The following HRG variants were observed in gnomAD, a reference collection of about 807,000 sequenced individuals.
HRG encodes the protein histidine rich glycoprotein, also known as histidine-rich glycoprotein.
In HRG, 26 loss-of-function variants were observed where a neutral mutation model predicts 29.5. The ratio of observed to expected loss-of-function variants is 0.88; its 90% CI spans 0.65 to 1.22. HRG has a LOEUF of 1.22. Among genes scored for constraint, HRG ranks in the 50% most tolerant of loss-of-function variants. The probability of loss-of-function intolerance (pLI) is 0.00; values close to 1 mark genes in which losing one functional copy is unlikely to be tolerated. For missense variants in HRG, 671 were observed against 654.5 expected, an observed-to-expected ratio of 1.03 and a Z score of -0.28; for synonymous variants, 243 against 240.4, an observed-to-expected ratio of 1.01 and a Z score of -0.10.
rs1396161221 is a variant in HRG, at chr3:186,675,306, TGTGAGA to T, written c.741+118_741+123del. The T allele has an allele frequency of 1.3e-5, 6 of 465,144 alleles. No individual in the cohort carries two copies. The East Asian group carries it at 2.5e-4, about 20-fold the overall frequency. The allele number at this position is 465,144 out of a possible 1,614,324, so 28.8% of individuals were successfully genotyped here. ...GTGGGTGTGTGTGTGTGTGTGTGTG[TGTGAGA>T]GAGAGAGAGAGAGAGAGAGACAGAG... is the stretch of plus-strand genomic sequence containing the variant. On this transcript the variant is annotated intron_variant, in intron 6 of 6. Coordinates refer to ENST00000232003, the MANE Select transcript of HRG (RefSeq NM_000412.5).
rs10706995 is a variant in HRG at position 186,671,976 on chromosome 3, CTT to C, written c.558+200_558+201del. Among the ~76,000 whole-genome samples the C allele has an allele frequency of 6.4e-3, 962 of 149,240 alleles. 12 individuals carry two copies. Among genetic ancestry groups the C allele is most frequent in the African/African-American group, 0.021 (845 of 40,410 alleles). On this transcript the variant is annotated intron_variant, in intron 4 of 6. Coordinates refer to ENST00000232003, the MANE Select transcript of HRG (RefSeq NM_000412.5). The stretch of plus-strand genomic sequence containing the variant: ...ACAAAAAAATTGCTTTCCTCAAACA[CTT>C]TTTTTTTTTTTTGAAGGATGGGTAG...
chr3:186,671,608 A>G lies in HRG; in HGVS notation c.392-15A>G, dbSNP rs758064884. 1.1e-5 allele frequency: 17 copies of G among 1,613,114 alleles called. No homozygotes were observed. The highest frequency in any genetic ancestry group is 2.2e-5 in the East Asian group (1 of 44,864). ...TCCAGCCCTTTACTGTGACACTGCT[A>G]TCTTCTTTCTCCAGTCTCTTCAGCA... On this transcript the variant is annotated splice_polypyrimidine_tract_variant and intron_variant, in intron 3 of 6. Coordinates refer to ENST00000232003, the MANE Select transcript of HRG (RefSeq NM_000412.5).
rs1414164728 is a variant in HRG at position 186,678,137 on chromosome 3, A to G, written c.*254A>G. 2.1e-6 allele frequency: 1 copy of G among 470,204 alleles called. No homozygotes were observed. Among genetic ancestry groups the G allele is most frequent in the African/African-American group, 2.0e-5 (1 of 51,022 alleles). The allele number at this position is 470,204 out of a possible 1,614,324, so 29.1% of individuals were successfully genotyped here. A position where few individuals can be genotyped will look rare whatever the true frequency, so the allele number is the denominator to read the frequency against. The stretch of plus-strand genomic sequence containing the variant: ...CACTTGAGACAAATCTATGCCACTC[A>G]GAATCTCCTTCTTTCCTGGACTTAA... On this transcript the variant is annotated 3_prime_UTR_variant, in exon 7 of 7. Coordinates refer to ENST00000232003, the MANE Select transcript of HRG (RefSeq NM_000412.5).
At chr3:186,667,770 A>G (rs1016728100) in intron 1 of HRG, among the ~76,000 whole-genome samples, 1 of 152,102 alleles carries the variant, frequency 6.6e-6, no homozygotes, top group African/African-American at 2.4e-5. Flanking sequence ...CAGAAGTTCC[A>G]TGTGGGCTCT....
chr3:186,670,122 T>C, intron 3 of HRG, 94 bp downstream of exon 3: 1 of 772,110 alleles, frequency 1.3e-6, no homozygotes, highest in South Asian at 1.4e-5. Context: ...TATGTATTCA[T>C]ATATATTCAG....
chr3:186,672,911 G>A (rs771557434), intron 5 of HRG, 44 bp downstream of exon 5: 7 of 1,273,482 alleles, frequency 5.5e-6, no homozygotes, highest in Non-Finnish European at 8.0e-6. Context: ...GAGTCACAGA[G>A]AAAAAAGAAA....
In HRG at chr3:186,677,109, T is replaced by C; in HGVS notation, c.804T>C (p.His268=). 1 of 1,614,012 alleles carries C rather than the reference T, an allele frequency of 6.2e-7. No individual in the cohort carries two copies. The highest frequency in any genetic ancestry group is 8.5e-7 in the Non-Finnish European group (1 of 1,179,924). ...GACATCCCTTCCACTGGGGTGGGCA[T>C]GAGCGTTCTTCTACCACCAAGCCTC... ...HLGHPFHWGG[H]ERSSTTKPPF... The change falls in exon 7 of 7, where the codon CAT becomes CAC. Residue 268 remains histidine (H), a synonymous_variant. Coordinates refer to ENST00000232003, the MANE Select transcript of HRG (RefSeq NM_000412.5).
At chr3:186,674,906 C>T in intron 5 of HRG, 183 bp from the exon 6 acceptor site, 1 of 657,574 alleles carries the variant, frequency 1.5e-6, no homozygotes, top group Non-Finnish European at 2.8e-6. Flanking sequence ...CCCTTCACCA[C>T]CTGCACTTTC....
chr3:186,667,322 G>A (rs1207216089), intron 1 of HRG: 8 of 152,172 alleles, frequency 5.3e-5, no homozygotes, highest in East Asian at 1.9e-4. Flanking sequence ...GGATGCTTTC[G>A]GGGAGAGGGA....
chr3:186,671,232 A>G (rs926186554), intron 3 of HRG, among the ~76,000 whole-genome samples: 1 of 3,988 alleles, frequency 2.5e-4, no homozygotes, highest in African/African-American at 2.7e-4. Context: ...ATTAATACCT[A>G]AATATATGAT....
At chr3:186,671,194 T>G (rs1297310527) in intron 3 of HRG, among the ~76,000 whole-genome samples, 1 of 146,054 alleles carries the variant, frequency 6.8e-6, no homozygotes, top group African/African-American at 2.5e-5. Context: ...TCTCTATTAT[T>G]TAATATATAT....
intron 1 of HRG, among the ~76,000 whole-genome samples, chr3:186,668,129 T>C (rs926898953): frequency 1.3e-5 from 2 of 152,166 alleles, no homozygotes; most frequent in African/African-American, 4.8e-5. Flanking sequence ...CAACACATGT[T>C]AGGGCATAGG....
chr3:186,667,686 AC>A (rs1259233040), intron 1 of HRG, among the ~76,000 whole-genome samples: 13 of 152,134 alleles, frequency 8.5e-5, no homozygotes, highest in Middle Eastern at 3.4e-3. Flanking sequence ...AATTCCTGGC[AC>A]CACCACTTCT....
chr3:186,671,484 T>C (rs2108576278), intron 3 of HRG, 139 bp from the exon 4 acceptor site: 1 of 862,244 alleles, frequency 1.2e-6, no homozygotes, highest in South Asian at 1.3e-5. Flanking sequence ...AAATGGCTGA[T>C]TGATCTTGAA....
Position 186,668,730 on chromosome 3 carries a change from A to AG in HRG, c.184-203dup. 5.4e-6 allele frequency: 3 copies of AG among 553,154 alleles called. No individual in the cohort carries two copies. In the East Asian group the frequency reaches 9.3e-5, roughly 17 times the overall value. 34.3% of individuals were successfully genotyped at this position (553,154 alleles called of 1,614,324 possible). On this transcript the variant is annotated intron_variant, in intron 1 of 6. Coordinates refer to ENST00000232003, the MANE Select transcript of HRG (RefSeq NM_000412.5). ...CAAGTTTATGGGCAGAAGACAAATC[A>AG]GGACCACTTAAAAAGATTTGGAAAT...
chr3:186,676,286 G>C (rs1280268175), intron 6 of HRG, among the ~76,000 whole-genome samples: 1 of 151,992 alleles, frequency 6.6e-6, no homozygotes, highest in Non-Finnish European at 1.5e-5. Context: ...AAGAATATCA[G>C]TTATAAGGCA....
chr3:186,678,089 A>C lies in HRG; in HGVS notation c.*206A>C. ...AACTCAGTGCTGCCTATTAGTAGTTAATTCTGTCACTCACCACTACATCAC... is the reference window on the plus strand; with the variant it reads ...AACTCAGTGCTGCCTATTAGTAGTTCATTCTGTCACTCACCACTACATCAC... On this transcript the variant is annotated 3_prime_UTR_variant, in exon 7 of 7. Transcript: ENST00000232003. The C allele has an allele frequency of 1.8e-6, 1 of 561,278 alleles. No individual in the cohort carries two copies. Among genetic ancestry groups the C allele is most frequent in the South Asian group, 2.1e-5 (1 of 48,714 alleles). The allele number at this position is 561,278 out of a possible 1,614,324, so 34.8% of individuals were successfully genotyped here. A position where few individuals can be genotyped will look rare whatever the true frequency, so the allele number is the denominator to read the frequency against.
intron 4 of HRG, among the ~76,000 whole-genome samples, chr3:186,672,249 A>G (rs182489272): frequency 6.6e-6 from 1 of 152,356 alleles, no homozygotes; most frequent in East Asian, 1.9e-4. Flanking sequence ...CAACTGGTTG[A>G]CATTTGCTAT....
rs925134037 is a variant in HRG, at chr3:186,678,019, A to G, written c.*136A>G. The G allele has an allele frequency of 2.3e-6, 2 of 852,812 alleles. No individual in the cohort carries two copies. The highest frequency in any genetic ancestry group is 3.3e-4 in the Middle Eastern group (1 of 3,058). 52.8% of individuals were successfully genotyped at this position (852,812 alleles called of 1,614,324 possible). A position where few individuals can be genotyped will look rare whatever the true frequency, so the allele number is the denominator to read the frequency against. ...AGATGCAGCAAAATGTGAATGGGAA[A>G]AGAGATGGCCTGAGAAGAGAGATCA... On this transcript the variant is annotated 3_prime_UTR_variant, in exon 7 of 7. Transcript: ENST00000232003.
Sources: gnomAD v4.1 joint callset for allele counts (sites outside exome capture counted in the v4.1 genomes callset) on GRCh38, gnomAD v4.1.1 for gene constraint, MANE v1.5 for transcripts, NCBI Gene and HGNC (gene_info 2026-07-23, HGNC 2026-07-21) for gene names.